Variants in MARCHF1 observed in about 807,000 individuals in gnomAD.
MARCHF1 encodes membrane associated ring-CH-type finger 1.
In MARCHF1, 40 loss-of-function variants were observed where a neutral mutation model predicts 54.2. The ratio of observed to expected loss-of-function variants is 0.74; its 90% CI spans 0.57 to 0.96. MARCHF1 has a LOEUF of 0.96. Ranked by LOEUF, MARCHF1 falls within the 40% of genes least tolerant of loss-of-function variation. MARCHF1 has a pLI of 0.00. For missense variants in MARCHF1, 586 were observed against 656.5 expected (o/e 0.89, Z 1.17); for synonymous variants, 236 against 236.3 (o/e 1.00, Z 0.01).
In MARCHF1 at chr4:164,139,243, T is replaced by TA. The variant is rs201363991; in HGVS notation, c.-322-27582dup. Among the ~76,000 whole-genome samples, 69 of 151,414 alleles carry TA rather than the reference T, an allele frequency of 4.6e-4. 2 individuals carry two copies. In the East Asian group the frequency reaches 0.013, roughly 28 times the overall value. On this transcript the variant is annotated intron_variant, in intron 1 of 9. Coordinates refer to ENST00000514618, the MANE Select transcript of MARCHF1 (RefSeq NM_001394959.1). ...AGAGGAAATGCAGTGTTCTTTACTT[T>TA]AAAAAAAAATCTTGAAGGACACCAG...
At chr4:164,024,309 A>C (rs1336242751) in intron 2 of MARCHF1, among the ~76,000 whole-genome samples, 1 of 152,190 alleles carries the variant, frequency 6.6e-6, no homozygotes, top group Non-Finnish European at 1.5e-5. Flanking sequence ...TCAACGTGAA[A>C]GAAAAAAAAT....
At chr4:163,634,033 G>A (rs1742212600) in intron 5 of MARCHF1, among the ~76,000 whole-genome samples, 1 of 152,140 alleles carries the variant, frequency 6.6e-6, no homozygotes, top group Non-Finnish European at 1.5e-5. Flanking sequence ...ATACTTTACA[G>A]ACAAGCAAAT....
chr4:164,206,669 TAC>T (rs1054106775), intron 1 of MARCHF1, among the ~76,000 whole-genome samples: 18 of 152,266 alleles, frequency 1.2e-4, no homozygotes, highest in African/African-American at 4.3e-4. Context: ...CTTACTGTAA[TAC>T]AGTCTCTACA....
chr4:164,204,907 C>T (rs1222269557), intron 1 of MARCHF1, among the ~76,000 whole-genome samples: 1 of 152,188 alleles, frequency 6.6e-6, no homozygotes, highest in South Asian at 2.1e-4. Flanking sequence ...CTTGCCATTT[C>T]AGCATTTTGA....
intron 3 of MARCHF1, among the ~76,000 whole-genome samples, chr4:163,954,314 T>C (rs896308221): frequency 2.0e-5 from 3 of 152,178 alleles, no homozygotes; most frequent in Non-Finnish European, 2.9e-5. Context: ...TTATATGTTA[T>C]GTAAAATACT....
chr4:164,275,112 T>A (rs1733845612), intron 1 of MARCHF1, among the ~76,000 whole-genome samples: 1 of 151,568 alleles, frequency 6.6e-6, no homozygotes, highest in African/African-American at 2.4e-5. Flanking sequence ...TAATTTTCTT[T>A]AATAAAATAT....
At chr4:163,770,339 T>C (rs1316253889) in intron 4 of MARCHF1, among the ~76,000 whole-genome samples, 1 of 152,102 alleles carries the variant, frequency 6.6e-6, no homozygotes, top group Non-Finnish European at 1.5e-5. Flanking sequence ...AATGGTCAGA[T>C]GGAAAAGAAA....
chr4:164,229,788 G>A (rs1732364631), intron 1 of MARCHF1, among the ~76,000 whole-genome samples: 1 of 152,076 alleles, frequency 6.6e-6, no homozygotes, highest in South Asian at 2.1e-4. Flanking sequence ...GAGAACAAGA[G>A]GGTAGGTGCT....
In MARCHF1 at chr4:164,169,971, T is replaced by A. The variant is rs185003148; in HGVS notation, c.-322-58309A>T. On this transcript the variant is annotated intron_variant, in intron 1 of 9. Coordinates refer to ENST00000514618, the MANE Select transcript of MARCHF1 (RefSeq NM_001394959.1). ...ATTTAACAACAGTAACTCATGCCATTTTCTGGCCAGTTTTTCTTACTCTTA... is the reference window on the plus strand; with the variant it reads ...ATTTAACAACAGTAACTCATGCCATATTCTGGCCAGTTTTTCTTACTCTTA... Among the ~76,000 whole-genome samples, 7 of 152,214 alleles carry A rather than the reference T, an allele frequency of 4.6e-5. No homozygotes were observed. In the East Asian group the frequency reaches 5.8e-4, roughly 13 times the overall value.
intron 1 of MARCHF1, among the ~76,000 whole-genome samples, chr4:164,331,567 C>T (rs1456400752): frequency 1.3e-5 from 2 of 152,126 alleles, no homozygotes; most frequent in Non-Finnish European, 2.9e-5. Flanking sequence ...GCAGAGTTCA[C>T]TTCTTTCTCT....
At chr4:164,004,949 C>T (rs1346469601) in intron 2 of MARCHF1, among the ~76,000 whole-genome samples, 1 of 150,538 alleles carries the variant, frequency 6.6e-6, no homozygotes, top group Non-Finnish European at 1.5e-5. Flanking sequence ...AAGTAGAGCA[C>T]ATTAAAAAAA....
intron 2 of MARCHF1, among the ~76,000 whole-genome samples, chr4:164,102,950 G>A (rs1364184529): frequency 3.9e-5 from 5 of 127,072 alleles, no homozygotes; most frequent in Non-Finnish European, 6.7e-5. Context: ...ACAAAAAAAG[G>A]CAGGGGTTGC....
At chr4:163,812,939 T>C (rs918348541) in intron 4 of MARCHF1, among the ~76,000 whole-genome samples, 17 of 152,154 alleles carry the variant, frequency 1.1e-4, no homozygotes, top group African/African-American at 3.9e-4. Context: ...ACAGAACTCT[T>C]CACACTAAGT....
chr4:163,889,041 T>C (rs528518920), intron 3 of MARCHF1, among the ~76,000 whole-genome samples: 7 of 152,274 alleles, frequency 4.6e-5, no homozygotes, highest in Admixed American at 1.3e-4. Context: ...TTTGGGTGGA[T>C]TTTTGAGCTG....
At chr4:163,998,803 C>T (rs1753129999) in intron 2 of MARCHF1, among the ~76,000 whole-genome samples, 1 of 151,662 alleles carries the variant, frequency 6.6e-6, no homozygotes, top group Admixed American at 6.6e-5. Context: ...CTTTTAAAGG[C>T]TGAATCATCA....
Position 164,105,866 on chromosome 4 carries a change from T to C in MARCHF1, c.-248+5722A>G, listed in dbSNP as rs555818637. 1.4e-3 allele frequency among the ~76,000 whole-genome samples: 200 copies of C among 146,694 alleles called. 2 individuals carry two copies. Among genetic ancestry groups the C allele is most frequent in the African/African-American group, 4.6e-3 (177 of 38,380 alleles). On this transcript the variant is annotated intron_variant, in intron 2 of 9. Transcript: ENST00000514618. ...GGAGAAAATTTTCGCAACCTACTCA[T>C]CTGACAAAGGGCTAATATCTAGAAT...
intron 1 of MARCHF1, among the ~76,000 whole-genome samples, chr4:164,289,138 C>T (rs1734222829): frequency 1.3e-5 from 2 of 151,860 alleles, no homozygotes; most frequent in South Asian, 2.1e-4. Flanking sequence ...ATTAGTTTAC[C>T]ATATATATTT....
At chr4:164,283,827 G>A in intron 1 of MARCHF1, among the ~76,000 whole-genome samples, 1 of 150,736 alleles carries the variant, frequency 6.6e-6, no homozygotes, top group African/African-American at 2.4e-5. Context: ...ATGAAGAAGG[G>A]GATATCATGG....
chr4:163,948,760 A>G (rs933196292), intron 3 of MARCHF1, among the ~76,000 whole-genome samples: 4 of 152,230 alleles, frequency 2.6e-5, no homozygotes, highest in African/African-American at 9.6e-5. Context: ...AAGAATAAAC[A>G]GGAAGGAAAG....
Sources: allele counts gnomAD v4.1 joint callset (sites outside exome capture counted in the v4.1 genomes callset), GRCh38; gene constraint gnomAD v4.1.1; transcripts MANE v1.5; gene names NCBI Gene and HGNC (gene_info 2026-07-23, HGNC 2026-07-21).